RIMS2: variants seen among roughly 807,000 people sequenced by gnomAD.
RIMS2 encodes regulating synaptic membrane exocytosis 2.
Under a neutral mutation model 174.4 loss-of-function variants are expected in RIMS2, and 59 were observed. The ratio of observed to expected loss-of-function variants is 0.34; its 90% CI spans 0.27 to 0.42. RIMS2 has a LOEUF of 0.42. Among genes scored for constraint, RIMS2 ranks in the 10% least tolerant of loss-of-function variants. The pLI is 1.00. For missense variants in RIMS2, 1,620 were observed against 1,666.3 expected (o/e 0.97, Z 0.48); for synonymous variants, 606 against 572.5 (o/e 1.06, Z -0.84).
intron 16 of RIMS2, among the ~76,000 whole-genome samples, chr8:103,986,322 A>G (rs2094359281): frequency 6.6e-6 from 1 of 152,198 alleles, no homozygotes; most frequent in Non-Finnish European, 1.5e-5. Context: ...TGGAATTAAT[A>G]AAGATTAGGG....
At chr8:103,937,788 A>C (rs1433913867) in intron 13 of RIMS2, among the ~76,000 whole-genome samples, 1 of 152,200 alleles carries the variant, frequency 6.6e-6, no homozygotes, top group East Asian at 1.9e-4. Flanking sequence ...TTAAACTGAG[A>C]CCAGGGCATG....
chr8:104,063,375 C>A (rs1465362183), intron 19 of RIMS2, among the ~76,000 whole-genome samples: 1 of 151,668 alleles, frequency 6.6e-6, no homozygotes, highest in Non-Finnish European at 1.5e-5. Context: ...TAAAGACATA[C>A]AATAATCAAA....
In RIMS2 at chr8:103,885,659, C is replaced by A. The variant is rs780336959; in HGVS notation, c.1060C>A (p.Arg354=). 1.8e-5 allele frequency: 29 copies of A among 1,612,858 alleles called. 1 individual carries two copies. In the Middle Eastern group the frequency reaches 4.9e-4, roughly 27 times the overall value. The change falls in exon 4 of 24, where the codon CGG becomes AGG. Residue 354 remains arginine, a synonymous_variant. Transcript: ENST00000504942. ...GCCACAACCCTATGAAGAACAAATG[C>A]GGATCCATGCTGAAGTGTCCCGAGC...
chr8:104,216,718 T>C (rs553023337), intron 19 of RIMS2, among the ~76,000 whole-genome samples: 16 of 152,164 alleles, frequency 1.1e-4, no homozygotes, highest in Non-Finnish European at 1.8e-4. Flanking sequence ...AGGCCTGGCT[T>C]ATAGTAAGTG....
intron 19 of RIMS2, among the ~76,000 whole-genome samples, chr8:104,181,417 A>G (rs1162373505): frequency 6.6e-6 from 1 of 151,690 alleles, no homozygotes; most frequent in East Asian, 1.9e-4. Flanking sequence ...TTTCACCGTT[A>G]GGAATACCAT....
intron 19 of RIMS2, among the ~76,000 whole-genome samples, chr8:104,062,053 A>T (rs2097005786): frequency 6.6e-6 from 1 of 152,184 alleles, no homozygotes; most frequent in South Asian, 2.1e-4. Flanking sequence ...AATGCCAATA[A>T]GTTATATTTT....
At chr8:103,661,597 G>C (rs1564193227) in intron 1 of RIMS2, among the ~76,000 whole-genome samples, 1 of 151,900 alleles carries the variant, frequency 6.6e-6, no homozygotes, top group African/African-American at 2.4e-5. Flanking sequence ...TCTGCCTCCC[G>C]GGTTCAATCA....
chr8:104,023,828 G>A (rs1017881095), intron 19 of RIMS2, among the ~76,000 whole-genome samples: 2 of 152,190 alleles, frequency 1.3e-5, no homozygotes, highest in African/African-American at 4.8e-5. Context: ...TCCAAGAAGT[G>A]TAAACTGGAC....
At chr8:104,226,866 A>G (rs1465178165) in intron 19 of RIMS2, among the ~76,000 whole-genome samples, 1 of 152,208 alleles carries the variant, frequency 6.6e-6, no homozygotes, top group Non-Finnish European at 1.5e-5. Flanking sequence ...TGTCTTTGAA[A>G]TTTATAATCT....
intron 19 of RIMS2, among the ~76,000 whole-genome samples, chr8:104,069,525 G>C (rs1295478013): frequency 7.3e-6 from 1 of 136,226 alleles, no homozygotes; most frequent in Non-Finnish European, 1.5e-5. Flanking sequence ...CTGGAGTGCA[G>C]TGGTGCAATC....
chr8:103,943,004 A>G, intron 14 of RIMS2, 78 bp downstream of exon 16: 1 of 1,066,908 alleles, frequency 9.4e-7, no homozygotes, highest in Non-Finnish European at 1.4e-6. Flanking sequence ...AAGAACTTGA[A>G]GATATCTTTG....
intron 3 of RIMS2, among the ~76,000 whole-genome samples, chr8:103,876,183 A>G (rs1404021882): frequency 6.6e-6 from 1 of 151,852 alleles, no homozygotes; most frequent in East Asian, 1.9e-4. Context: ...TTGCCAAGTC[A>G]ATGTCCGGAA....
chr8:103,934,864 A>T (rs974858653), intron 12 of RIMS2, among the ~76,000 whole-genome samples: 1 of 151,792 alleles, frequency 6.6e-6, no homozygotes, highest in Non-Finnish European at 1.5e-5. Flanking sequence ...TTCCTGGCTA[A>T]TTTTTTGTAT....
At chr8:103,886,343 T>A in intron 4 of RIMS2, 120 bp downstream of exon 7, 1 of 812,948 alleles carries the variant, frequency 1.2e-6, no homozygotes, top group Non-Finnish European at 1.9e-6. Flanking sequence ...AAAAGTCTTT[T>A]AATGGCATCG....
intron 19 of RIMS2, among the ~76,000 whole-genome samples, chr8:104,157,660 G>A (rs1032263929): frequency 4.7e-4 from 71 of 152,204 alleles, no homozygotes; most frequent in African/African-American, 1.6e-3. Flanking sequence ...TTTTAAGGCT[G>A]AATAATATTC....
chr8:103,907,480 C>G (rs901564177), intron 4 of RIMS2, among the ~76,000 whole-genome samples: 8 of 152,022 alleles, frequency 5.3e-5, no homozygotes, highest in African/African-American at 1.9e-4. Flanking sequence ...TTTTAGGAAA[C>G]TCTATTTGAT....
intron 1 of RIMS2, among the ~76,000 whole-genome samples, chr8:103,617,082 C>T (rs1329988051): frequency 3.3e-5 from 5 of 152,104 alleles, no homozygotes; most frequent in African/African-American, 1.2e-4. Context: ...GTAAAAAGAA[C>T]AAAGCTGGCA....
chr8:104,201,492 T>G (rs1248097554), intron 19 of RIMS2, among the ~76,000 whole-genome samples: 1 of 152,172 alleles, frequency 6.6e-6, no homozygotes, highest in African/African-American at 2.4e-5. Flanking sequence ...ATGTAAAAAA[T>G]TCGGCATCAT....
chr8:103,760,214 A>G (rs950198320), intron 2 of RIMS2, among the ~76,000 whole-genome samples: 5 of 152,230 alleles, frequency 3.3e-5, no homozygotes, highest in Non-Finnish European at 7.3e-5. Flanking sequence ...GTTGCCTCCC[A>G]AGAGATTTAA....
Sources: gnomAD v4.1 joint callset for allele counts (sites outside exome capture counted in the v4.1 genomes callset) on GRCh38, gnomAD v4.1.1 for gene constraint, MANE v1.5 for transcripts, NCBI Gene and HGNC (gene_info 2026-07-23, HGNC 2026-07-21) for gene names.